FHOD3: variants seen among roughly 807,000 people sequenced by gnomAD.
The protein encoded by FHOD3 is FH1/FH2 domain-containing protein 3.
FHOD3 carries 90 observed loss-of-function variants against 173.0 expected under a neutral mutation model. The observed-to-expected ratio is 0.52, with a 90% CI of 0.44 to 0.62. FHOD3 has a LOEUF of 0.62. FHOD3 is among the 20% of genes least tolerant of loss of function. The pLI is 0.00. For missense variants in FHOD3, 1,945 were observed against 2,034.7 expected (o/e 0.96, Z 0.85); for synonymous variants, 828 against 823.0 (o/e 1.01, Z -0.10).
intron 17 of FHOD3, among the ~76,000 whole-genome samples, chr18:36,705,255 C>T (rs2039810220): frequency 6.6e-6 from 1 of 152,256 alleles, no homozygotes; most frequent in African/African-American, 2.4e-5. Context: ...TCTCACTCCT[C>T]CTGCCAGGCC....
chr18:36,618,334 G>A (rs929747160), intron 9 of FHOD3, among the ~76,000 whole-genome samples: 3 of 35,140 alleles, frequency 8.5e-5, no homozygotes, highest in African/African-American at 3.7e-4. Flanking sequence ...TTTTTTTTTT[G>A]AGATGGAGTT....
chr18:36,357,956 G>T (rs2046440025), intron 2 of FHOD3, among the ~76,000 whole-genome samples: 1 of 151,964 alleles, frequency 6.6e-6, no homozygotes. Flanking sequence ...AGAATAAAGG[G>T]TGTGGGAGAA....
chr18:36,660,757 A>T (rs932404086), intron 14 of FHOD3, among the ~76,000 whole-genome samples: 1 of 152,140 alleles, frequency 6.6e-6, no homozygotes, highest in African/African-American at 2.4e-5. Context: ...GGAGGTGTGG[A>T]CTCAGCAGTC....
chr18:36,684,327 A>G (rs8092133), intron 15 of FHOD3, among the ~76,000 whole-genome samples: 1 of 152,220 alleles, frequency 6.6e-6, no homozygotes, highest in Non-Finnish European at 1.5e-5. Context: ...ATAACTTATC[A>G]TAAAAATAAT....
At chr18:36,766,041 A>T (rs973120755) in intron 27 of FHOD3, among the ~76,000 whole-genome samples, 14 of 152,134 alleles carry the variant, frequency 9.2e-5, no homozygotes, top group African/African-American at 3.4e-4. Flanking sequence ...GCTAAAATAA[A>T]TAAATAAATA....
chr18:36,772,160 C>T (rs1274366777), intron 28 of FHOD3, among the ~76,000 whole-genome samples: 1 of 152,184 alleles, frequency 6.6e-6, no homozygotes, highest in African/African-American at 2.4e-5. Flanking sequence ...TAGCCAAACA[C>T]ATTTTTCCTG....
intron 1 of FHOD3, among the ~76,000 whole-genome samples, chr18:36,299,274 G>A (rs770593201): frequency 4.6e-5 from 7 of 152,164 alleles, no homozygotes; most frequent in Non-Finnish European, 8.8e-5. Context: ...ATACAGTCGT[G>A]GAAACCTCTC....
chr18:36,728,709 G>C (rs1175822025), intron 19 of FHOD3, among the ~76,000 whole-genome samples: 1 of 152,156 alleles, frequency 6.6e-6, no homozygotes, highest in Non-Finnish European at 1.5e-5. Context: ...AGCTGGGCTT[G>C]AGCCTGTTTC....
At chr18:36,681,622 A>G (rs937550142) in intron 15 of FHOD3, 52 bp downstream of exon 15, 1 of 1,565,698 alleles carries the variant, frequency 6.4e-7, no homozygotes, top group Non-Finnish European at 8.7e-7. Flanking sequence ...AATTAAAGGC[A>G]TGTGACTTTA....
At chr18:36,447,339 G>A (rs1204361508) in intron 3 of FHOD3, among the ~76,000 whole-genome samples, 1 of 152,194 alleles carries the variant, frequency 6.6e-6, no homozygotes, top group African/African-American at 2.4e-5. Flanking sequence ...GAGGGACCCA[G>A]GCCAGAGGAT....
chr18:36,402,382 C>T (rs1475044669), intron 3 of FHOD3, among the ~76,000 whole-genome samples: 1 of 152,024 alleles, frequency 6.6e-6, no homozygotes, highest in Non-Finnish European at 1.5e-5. Context: ...CATGCCACTA[C>T]CTCTCTGGGA....
intron 3 of FHOD3, among the ~76,000 whole-genome samples, chr18:36,437,870 G>A (rs528332374): frequency 3.0e-4 from 46 of 152,100 alleles, no homozygotes; most frequent in African/African-American, 1.1e-3. Flanking sequence ...CACCATGTTG[G>A]CCAGGATGGT....
chr18:36,434,168 C>T (rs536162630), intron 3 of FHOD3, among the ~76,000 whole-genome samples: 1 of 152,306 alleles, frequency 6.6e-6, no homozygotes, highest in Non-Finnish European at 1.5e-5. Flanking sequence ...CTGAAGATCA[C>T]AAAGATTTTA....
chr18:36,460,371 A>T (rs770491954), intron 3 of FHOD3, among the ~76,000 whole-genome samples: 1 of 152,322 alleles, frequency 6.6e-6, no homozygotes, highest in Non-Finnish European at 1.5e-5. Flanking sequence ...TATATCAGTA[A>T]AGACTTGTGA....
intron 8 of FHOD3, among the ~76,000 whole-genome samples, chr18:36,609,658 G>A (rs540516802): frequency 2.1e-5 from 3 of 146,004 alleles, no homozygotes; most frequent in East Asian, 2.0e-4. Context: ...CGCCCAGGCT[G>A]GAGTGCAGTG....
chr18:36,482,850 C>G (rs1444587713), intron 3 of FHOD3, among the ~76,000 whole-genome samples: 7 of 104,270 alleles, frequency 6.7e-5, no homozygotes, highest in African/African-American at 2.6e-4. Flanking sequence ...CACACACTCA[C>G]ACACACACAG....
chr18:36,683,260 A>C (rs745331609), intron 15 of FHOD3, among the ~76,000 whole-genome samples: 1 of 152,244 alleles, frequency 6.6e-6, no homozygotes, highest in Non-Finnish European at 1.5e-5. Context: ...GGAGATTGGC[A>C]TATTTTACCA....
intron 5 of FHOD3, among the ~76,000 whole-genome samples, chr18:36,563,161 TAGAG>T (rs1482768460): frequency 2.0e-5 from 3 of 152,206 alleles, no homozygotes; most frequent in East Asian, 1.9e-4. Context: ...AAATCCTAAA[TAGAG>T]AGAAGTACAG....
chr18:36,659,391 G>A (rs1388344815), intron 14 of FHOD3, among the ~76,000 whole-genome samples: 2 of 152,208 alleles, frequency 1.3e-5, no homozygotes, highest in Non-Finnish European at 2.9e-5. Context: ...TTACCTGTCT[G>A]TAGTTCTGTC....
Sources: gnomAD v4.1 joint callset for allele counts (sites outside exome capture counted in the v4.1 genomes callset) on GRCh38, gnomAD v4.1.1 for gene constraint, MANE v1.5 for transcripts, NCBI Gene and HGNC (gene_info 2026-07-23, HGNC 2026-07-21) for gene names.